The following SCHIP1 variants were observed in gnomAD, a reference collection of about 807,000 sequenced individuals.
SCHIP1 encodes the protein schwannomin-interacting protein 1.
SCHIP1 carries 8 observed loss-of-function variants against 29.7 expected under a neutral mutation model. The observed-to-expected ratio is 0.27, with a 90% confidence interval of 0.16 to 0.49. SCHIP1 has a LOEUF of 0.49. Among genes scored for constraint, SCHIP1 ranks in the 20% least tolerant of loss-of-function variants. The probability of loss-of-function intolerance (pLI) is 0.99; values close to 1 mark genes in which losing one functional copy is unlikely to be tolerated. For synonymous variants in SCHIP1, 76 were observed against 94.9 expected (o/e 0.80, Z 1.16); for missense variants, 193 against 294.6 (o/e 0.66, Z 2.52).
At chr3:159,828,388 C>CATATATACGT in the SCHIP1 span, among the ~76,000 whole-genome samples, 5,659 of 65,230 alleles carry the variant, frequency 0.087, 622 homozygotes, top group Admixed American at 0.13. Flanking sequence ...TATATATATA[C>CATATATACGT]ATATATACGT....
At chr3:159,361,263 T>G in the SCHIP1 span, among the ~76,000 whole-genome samples, 1 of 152,210 alleles carries the variant, frequency 6.6e-6, no homozygotes, top group Non-Finnish European at 1.5e-5. Context: ...GCAGTGTACA[T>G]TTTTAGGGAA....
At chr3:159,332,880 T>G in the SCHIP1 span, among the ~76,000 whole-genome samples, 1 of 152,338 alleles carries the variant, frequency 6.6e-6, no homozygotes, top group Non-Finnish European at 1.5e-5. Context: ...AGTAGATATG[T>G]TTCTGGGTTT....
At chr3:159,421,659 C>A in the SCHIP1 span, among the ~76,000 whole-genome samples, 1 of 152,170 alleles carries the variant, frequency 6.6e-6, no homozygotes, top group African/African-American at 2.4e-5. Flanking sequence ...CAGAAATAGA[C>A]GTAAGCCTAA....
the SCHIP1 span, among the ~76,000 whole-genome samples, chr3:159,290,866 T>C: frequency 6.6e-6 from 1 of 152,086 alleles, no homozygotes; most frequent in Admixed American, 6.6e-5. Context: ...AGAAAAGAAA[T>C]TCAGTATAAA....
the SCHIP1 span, among the ~76,000 whole-genome samples, chr3:159,739,071 A>T: frequency 1.3e-5 from 2 of 152,320 alleles, no homozygotes; most frequent in Admixed American, 1.3e-4. Flanking sequence ...CAATTTGCAT[A>T]TACAATGCTA....
At chr3:159,387,349 A>T in the SCHIP1 span, 2 of 384,224 alleles carry the variant, frequency 5.2e-6, no homozygotes, top group Non-Finnish European at 5.1e-6. Context: ...GGCAGGGAGA[A>T]GAGATAGATC....
At chr3:159,582,108 T>C in the SCHIP1 span, among the ~76,000 whole-genome samples, 7 of 152,142 alleles carry the variant, frequency 4.6e-5, no homozygotes, top group South Asian at 1.0e-3. Flanking sequence ...CAAAATTCAG[T>C]CTATGATCTA....
chr3:159,561,901 TG>T, the SCHIP1 span, among the ~76,000 whole-genome samples: 1 of 152,212 alleles, frequency 6.6e-6, no homozygotes, highest in African/African-American at 2.4e-5. Flanking sequence ...TCTCCTGCAG[TG>T]GTTTTACCTT....
the SCHIP1 span, among the ~76,000 whole-genome samples, chr3:159,429,277 C>T: frequency 1.3e-5 from 2 of 150,468 alleles, no homozygotes; most frequent in African/African-American, 2.4e-5. Flanking sequence ...TAGTCATAAG[C>T]TCTTGAAGAT....
At chr3:159,481,727 G>A in the SCHIP1 span, among the ~76,000 whole-genome samples, 1 of 152,150 alleles carries the variant, frequency 6.6e-6, no homozygotes, top group African/African-American at 2.4e-5. Flanking sequence ...ATTCCTGCCT[G>A]TGTCTTTTAT....
the SCHIP1 span, among the ~76,000 whole-genome samples, chr3:159,753,104 A>G: frequency 6.6e-6 from 1 of 152,108 alleles, no homozygotes; most frequent in Non-Finnish European, 1.5e-5. Flanking sequence ...TTCTTCTCCT[A>G]GTTCTATAAG....
chr3:159,789,978 A>G, the SCHIP1 span, among the ~76,000 whole-genome samples: 1 of 152,178 alleles, frequency 6.6e-6, no homozygotes, highest in African/African-American at 2.4e-5. Flanking sequence ...ATCCCAGCCA[A>G]TGATCCAAAA....
At chr3:159,668,422 T>G in the SCHIP1 span, among the ~76,000 whole-genome samples, 1 of 143,120 alleles carries the variant, frequency 7.0e-6, no homozygotes, top group African/African-American at 2.7e-5. Flanking sequence ...AGGACTTGAG[T>G]CCCACATGTA....
chr3:159,858,801 G>A (rs1713701378), intron 1 of SCHIP1, among the ~76,000 whole-genome samples: 1 of 152,138 alleles, frequency 6.6e-6, no homozygotes, highest in Non-Finnish European at 1.5e-5. Context: ...GTGGGTACAG[G>A]TCCTGAGCAA....
the SCHIP1 span, among the ~76,000 whole-genome samples, chr3:159,382,677 G>A: frequency 2.7e-5 from 4 of 150,684 alleles, no homozygotes; most frequent in Admixed American, 1.3e-4. Context: ...CTGAGGAATC[G>A]CCACACTGAC....
chr3:159,698,414 T>C, the SCHIP1 span, among the ~76,000 whole-genome samples: 1 of 152,202 alleles, frequency 6.6e-6, no homozygotes, highest in Non-Finnish European at 1.5e-5. Context: ...TACTTTTGAA[T>C]TTTGGCATGT....
At chr3:159,789,038 A>G in the SCHIP1 span, among the ~76,000 whole-genome samples, 1 of 152,148 alleles carries the variant, frequency 6.6e-6, no homozygotes, top group African/African-American at 2.4e-5. Flanking sequence ...AAAATCCAAC[A>G]TTTGAGACAC....
chr3:159,866,271 C>T (rs766022839), exon 2 of SCHIP1: 10 of 1,613,544 alleles, frequency 6.2e-6, no homozygotes, highest in Non-Finnish European at 8.5e-6. Flanking sequence ...GAAGCCAAGC[C>T]TTTCCTCCCG....
At chr3:159,587,257 G>A in the SCHIP1 span, among the ~76,000 whole-genome samples, 2 of 151,994 alleles carry the variant, frequency 1.3e-5, no homozygotes, top group African/African-American at 4.8e-5. Context: ...TTTGAATTAT[G>A]TATCATCTTG....
Sources: allele counts gnomAD v4.1 joint callset (sites outside exome capture counted in the v4.1 genomes callset), GRCh38; gene constraint gnomAD v4.1.1; transcripts MANE v1.5; gene names NCBI Gene and HGNC (gene_info 2026-07-23, HGNC 2026-07-21).